ZFAND6: variants seen among roughly 807,000 people sequenced by gnomAD.
ZFAND6 encodes the protein zinc finger AN1-type containing 6, also known as AN1-type zinc finger protein 6.
ZFAND6 carries 12 observed loss-of-function variants against 24.5 expected under a neutral mutation model. The observed-to-expected ratio is 0.49, with a 90% CI of 0.31 to 0.79. The LOEUF (loss-of-function observed/expected upper bound fraction) is 0.79. Among genes scored for constraint, ZFAND6 ranks in the 30% least tolerant of loss-of-function variants. The probability of loss-of-function intolerance (pLI) is 0.04; values close to 1 mark genes in which losing one functional copy is unlikely to be tolerated. For synonymous variants in ZFAND6, 92 were observed against 81.5 expected (o/e 1.13, Z -0.69); for missense variants, 207 against 245.9 (o/e 0.84, Z 1.06).
At chr15:80,097,055 A>G (rs990458495) in intron 1 of ZFAND6, among the ~76,000 whole-genome samples, 2 of 146,404 alleles carry the variant, frequency 1.4e-5, no homozygotes, top group Admixed American at 6.9e-5. Flanking sequence ...GCTGGAGTGC[A>G]GTGGCATGAT....
At chr15:80,070,239 C>T (rs1596187355) in intron 1 of ZFAND6, among the ~76,000 whole-genome samples, 1 of 152,086 alleles carries the variant, frequency 6.6e-6, no homozygotes, top group African/African-American at 2.4e-5. Context: ...GTGGCTTGTT[C>T]TCTTCTAAAT....
At chr15:80,137,133 C>T (rs2040901176) in intron 6 of ZFAND6, among the ~76,000 whole-genome samples, 1 of 152,232 alleles carries the variant, frequency 6.6e-6, no homozygotes, top group Non-Finnish European at 1.5e-5. Context: ...GCCAAGACTG[C>T]CTTCTGACAG....
intron 2 of ZFAND6, among the ~76,000 whole-genome samples, chr15:80,100,058 A>G (rs2038955387): frequency 6.6e-6 from 1 of 152,372 alleles, no homozygotes; most frequent in Middle Eastern, 3.4e-3. Flanking sequence ...GTCAGTAGAT[A>G]CATAACACTG....
At chr15:80,068,128 GT>G (rs60285625) in intron 1 of ZFAND6, among the ~76,000 whole-genome samples, 45 of 146,800 alleles carry the variant, frequency 3.1e-4, no homozygotes, top group African/African-American at 4.5e-4. Flanking sequence ...CGCCTGGCCT[GT>G]TTTTTTTTTT....
At chr15:80,136,438 C>A (rs2040868483) in intron 6 of ZFAND6, among the ~76,000 whole-genome samples, 2 of 151,758 alleles carry the variant, frequency 1.3e-5, no homozygotes, top group Non-Finnish European at 2.9e-5. Flanking sequence ...GCACTGCAGC[C>A]TGGTGACAAA....
chr15:80,134,889 A>G (rs1277225813), intron 6 of ZFAND6, among the ~76,000 whole-genome samples: 1 of 152,246 alleles, frequency 6.6e-6, no homozygotes, highest in Non-Finnish European at 1.5e-5. Flanking sequence ...CTTCGTTTGC[A>G]ACGTGGACCG....
At chr15:80,116,416 A>G (rs2039878887) in intron 2 of ZFAND6, among the ~76,000 whole-genome samples, 1 of 152,216 alleles carries the variant, frequency 6.6e-6, no homozygotes. Context: ...AGTTTATTTT[A>G]AAATATTTTA....
At chr15:80,133,707 G>A (rs1011297947) in intron 6 of ZFAND6, among the ~76,000 whole-genome samples, 24 of 152,176 alleles carry the variant, frequency 1.6e-4, no homozygotes, top group Admixed American at 4.6e-4. Context: ...AAAGATCTAA[G>A]GAAGAAAAGT....
intron 5 of ZFAND6, among the ~76,000 whole-genome samples, chr15:80,125,027 G>A (rs180976613): frequency 6.6e-6 from 1 of 152,126 alleles, no homozygotes; most frequent in African/African-American, 2.4e-5. Context: ...ATGCAATTAC[G>A]ATTTCCCTAT....
At chr15:80,080,037 C>T (rs2037559918) in intron 1 of ZFAND6, among the ~76,000 whole-genome samples, 1 of 151,614 alleles carries the variant, frequency 6.6e-6, no homozygotes, top group South Asian at 2.1e-4. Flanking sequence ...CTTGCTCACC[C>T]ACCCAGGCTG....
intron 1 of ZFAND6, among the ~76,000 whole-genome samples, chr15:80,070,880 A>G (rs79532922): frequency 0.013 from 1,931 of 152,020 alleles, 35 homozygotes; most frequent in African/African-American, 0.044. Context: ...TTCAAACTGT[A>G]TATTCTTTTT....
chr15:80,081,716 T>A (rs2141858725), intron 1 of ZFAND6, among the ~76,000 whole-genome samples: 1 of 152,348 alleles, frequency 6.6e-6, no homozygotes, highest in South Asian at 2.1e-4. Flanking sequence ...GGTTACAGTC[T>A]GCTTACATAT....
intron 1 of ZFAND6, among the ~76,000 whole-genome samples, chr15:80,090,036 C>T (rs1387798843): frequency 2.0e-5 from 3 of 152,170 alleles, no homozygotes; most frequent in African/African-American, 7.2e-5. Flanking sequence ...AACTTCTCTT[C>T]CTTGTTTCTA....
At chr15:80,093,498 C>T (rs893652980) in intron 1 of ZFAND6, among the ~76,000 whole-genome samples, 9 of 151,772 alleles carry the variant, frequency 5.9e-5, no homozygotes, top group East Asian at 3.9e-4. Context: ...GAGGCCGAGA[C>T]GGGCGGAGCA....
chr15:80,131,000 TATAC>T, intron 5 of ZFAND6, 176 bp from the exon 6 acceptor site: 2 of 469,568 alleles, frequency 4.3e-6, no homozygotes, highest in South Asian at 5.9e-5. Flanking sequence ...TACATGCATA[TATAC>T]ATACATTTAA....
intron 1 of ZFAND6, among the ~76,000 whole-genome samples, chr15:80,089,270 T>TG (rs1467371247): frequency 2.2e-5 from 3 of 135,272 alleles, no homozygotes; most frequent in Non-Finnish European, 3.2e-5. Flanking sequence ...TTTTTTTTTT[T>TG]TTTTTTTTTT....
intron 6 of ZFAND6, among the ~76,000 whole-genome samples, chr15:80,135,142 A>G (rs890478091): frequency 6.6e-6 from 1 of 152,230 alleles, no homozygotes; most frequent in Non-Finnish European, 1.5e-5. Context: ...GAAGACTTTT[A>G]TGATGATCGA....
intron 2 of ZFAND6, among the ~76,000 whole-genome samples, chr15:80,117,630 G>C (rs2039941347): frequency 6.6e-6 from 1 of 152,198 alleles, no homozygotes; most frequent in Non-Finnish European, 1.5e-5. Context: ...ATTGCACAGT[G>C]CTTTTTCTTC....
At chr15:80,096,774 T>G (rs549784738) in intron 1 of ZFAND6, among the ~76,000 whole-genome samples, 1 of 152,228 alleles carries the variant, frequency 6.6e-6, no homozygotes, top group East Asian at 1.9e-4. Context: ...AGTGTACATA[T>G]AGGGGAAAGG....
Sources: gnomAD v4.1 joint callset for allele counts (sites outside exome capture counted in the v4.1 genomes callset) on GRCh38, gnomAD v4.1.1 for gene constraint, MANE v1.5 for transcripts, NCBI Gene and HGNC (gene_info 2026-07-23, HGNC 2026-07-21) for gene names.